Variants in TYR observed in about 807,000 individuals in gnomAD.
TYR encodes LB24-AB.
Under a neutral mutation model 51.5 loss-of-function variants are expected in TYR, and 58 were observed. The ratio of observed to expected loss-of-function variants is 1.13; its 90% CI spans 0.91 to 1.40. The LOEUF (loss-of-function observed/expected upper bound fraction) is 1.40. Among genes scored for constraint, TYR ranks in the 40% most tolerant of loss-of-function variants. The pLI is 0.00. For synonymous variants in TYR, 263 were observed against 235.2 expected (o/e 1.12, Z -1.08); for missense variants, 732 against 647.4 (o/e 1.13, Z -1.42).
rs777629489 is a variant in TYR at position 89,295,259 on chromosome 11, C to T, written c.1483C>T (p.Leu495Phe). ...GAVLTALLAG[L>F]VSLLCRHKRK... ...CGTCCTCACTGCCCTGCTGGCAGGG[C>T]TTGTGAGCTTGCTGTGTCGTCACAA... Residue 495 changes from leucine to phenylalanine, a missense_variant, in exon 5 of 5, where the codon CTT (leucine) becomes TTT (phenylalanine). Leu to Phe is a conservative substitution (Grantham distance 22). Transcript: ENST00000263321. 6.2e-7 allele frequency: 1 copy of T among 1,613,912 alleles called. No individual in the cohort carries two copies. Among genetic ancestry groups the T allele is most frequent in the Non-Finnish European group, 8.5e-7 (1 of 1,179,852 alleles).
chr11:89,264,740 A>C (rs537111190), intron 3 of TYR, among the ~76,000 whole-genome samples: 26 of 151,584 alleles, frequency 1.7e-4, no homozygotes, highest in African/African-American at 3.4e-4. Context: ...GCAGCCAAAA[A>C]AAAAAAACAA....
At chr11:89,282,778 C>A (rs1944734306) in intron 3 of TYR, among the ~76,000 whole-genome samples, 1 of 151,748 alleles carries the variant, frequency 6.6e-6, no homozygotes, top group Non-Finnish European at 1.5e-5. Flanking sequence ...TACTAACCAT[C>A]ACTAAAGGCA....
At chr11:89,260,869 C>T (rs1393248853) in intron 3 of TYR, among the ~76,000 whole-genome samples, 3 of 152,068 alleles carry the variant, frequency 2.0e-5, no homozygotes, top group Non-Finnish European at 4.4e-5. Flanking sequence ...CTGTTAAGAA[C>T]CAGGCCACAC....
intron 1 of TYR, among the ~76,000 whole-genome samples, chr11:89,179,006 A>G (rs567738484): frequency 2.0e-5 from 3 of 152,326 alleles, no homozygotes; most frequent in African/African-American, 7.2e-5. Context: ...TGCAATGAAC[A>G]GAGTACTTGA....
At chr11:89,199,668 A>G (rs1943571208) in intron 2 of TYR, among the ~76,000 whole-genome samples, 1 of 152,194 alleles carries the variant, frequency 6.6e-6, no homozygotes, top group Non-Finnish European at 1.5e-5. Context: ...ATGTACATCT[A>G]GCTCCTATTA....
chr11:89,201,928 G>T (rs12417166), intron 2 of TYR, among the ~76,000 whole-genome samples: 27,815 of 152,008 alleles, frequency 0.18, 3,462 homozygotes, highest in African/African-American at 0.35. Flanking sequence ...GTCAAAGAAT[G>T]TTGATATCTA....
chr11:89,279,371 C>T (rs1195761455), intron 3 of TYR, among the ~76,000 whole-genome samples: 2 of 151,700 alleles, frequency 1.3e-5, no homozygotes, highest in East Asian at 3.9e-4. Context: ...TTGCTAAGGC[C>T]CTGCCCTATA....
At chr11:89,195,417 G>A (rs998301338) in intron 2 of TYR, among the ~76,000 whole-genome samples, 2 of 152,092 alleles carry the variant, frequency 1.3e-5, no homozygotes, top group Non-Finnish European at 1.5e-5. Flanking sequence ...GGTGGCTCAC[G>A]CCTGTAAACC....
intron 2 of TYR, among the ~76,000 whole-genome samples, chr11:89,216,789 T>C (rs1591161520): frequency 6.6e-6 from 1 of 152,226 alleles, no homozygotes; most frequent in South Asian, 2.1e-4. Flanking sequence ...AACTCACAGC[T>C]TCCATCTCTT....
At chr11:89,223,303 G>A (rs186314027) in intron 2 of TYR, among the ~76,000 whole-genome samples, 295 of 152,130 alleles carry the variant, frequency 1.9e-3, no homozygotes, top group African/African-American at 6.7e-3. Context: ...ACTATTTTGG[G>A]GTACTTAGAA....
rs184517872 is a variant in TYR, at chr11:89,178,877, T to A, written c.819+105T>A. On this transcript the variant is annotated intron_variant, in intron 1 of 4. Transcript: ENST00000263321. Reference sequence around the variant, plus strand: ...ACCTGAACACTCATTGCAGCCCCCATCAAGGACAGAAATGGTGCCCTGTTA... The same window carrying A: ...ACCTGAACACTCATTGCAGCCCCCAACAAGGACAGAAATGGTGCCCTGTTA... 12 of 1,163,430 alleles carry A rather than the reference T, an allele frequency of 1.0e-5. No homozygotes were observed. In the African/African-American group the frequency reaches 1.4e-4, roughly 13 times the overall value. The allele number at this position is 1,163,430 out of a possible 1,614,324, so 72.1% of individuals were successfully genotyped here.
chr11:89,215,702 T>C (rs1192797938), intron 2 of TYR, among the ~76,000 whole-genome samples: 1 of 152,146 alleles, frequency 6.6e-6, no homozygotes, highest in East Asian at 1.9e-4. Flanking sequence ...AGTGGTGAAG[T>C]CTGGGCTTTG....
chr11:89,216,197 C>T (rs1310642309), intron 2 of TYR, among the ~76,000 whole-genome samples: 1 of 151,964 alleles, frequency 6.6e-6, no homozygotes, highest in Non-Finnish European at 1.5e-5. Flanking sequence ...GAAGAAAATG[C>T]AGTAAGAAAA....
At chr11:89,260,868 A>AC (rs1944448682) in intron 3 of TYR, among the ~76,000 whole-genome samples, 1 of 152,126 alleles carries the variant, frequency 6.6e-6, no homozygotes, top group Non-Finnish European at 1.5e-5. Context: ...CCTGTTAAGA[A>AC]CCAGGCCACA....
intron 4 of TYR, among the ~76,000 whole-genome samples, chr11:89,294,756 G>T (rs887801247): frequency 6.6e-6 from 1 of 152,200 alleles, no homozygotes; most frequent in African/African-American, 2.4e-5. Context: ...ATAATTAAAA[G>T]ACTGGATTAG....
intron 4 of TYR, among the ~76,000 whole-genome samples, chr11:89,288,350 C>T (rs1241080401): frequency 6.6e-6 from 1 of 151,954 alleles, no homozygotes; most frequent in African/African-American, 2.4e-5. Context: ...AAAACTTCAT[C>T]ACTCCATCAC....
At chr11:89,182,498 A>G (rs920018204) in intron 1 of TYR, among the ~76,000 whole-genome samples, 1 of 152,176 alleles carries the variant, frequency 6.6e-6, no homozygotes, top group African/African-American at 2.4e-5. Context: ...AAGAAAGACA[A>G]TACAAGAGAG....
chr11:89,223,347 C>A (rs1030468704), intron 2 of TYR, among the ~76,000 whole-genome samples: 2 of 151,926 alleles, frequency 1.3e-5, no homozygotes, highest in African/African-American at 2.4e-5. Flanking sequence ...AAAACAGAGT[C>A]AAATCTCAGC....
In TYR at chr11:89,178,580, T is replaced by C. The variant is rs770317561; in HGVS notation, c.627T>C (p.Pro209=). Reference sequence around the variant, plus strand: ...CCCATGAAGCACCAGCTTTTCTGCCTTGGCATAGACTCTTCTTGTTGCGGT... The same window carrying C: ...CCCATGAAGCACCAGCTTTTCTGCCCTGGCATAGACTCTTCTTGTTGCGGT... ...DFAHEAPAFL[P]WHRLFLLRWE... is the part of the protein sequence containing the mutation. Residue 209 remains proline, a synonymous_variant, in exon 1 of 5, where the codon CCT becomes CCC. Coordinates refer to ENST00000263321, the MANE Select transcript of TYR (RefSeq NM_000372.5). 6.8e-6 allele frequency: 11 copies of C among 1,614,148 alleles called. No individual in the cohort carries two copies. The Admixed American group carries it at 8.3e-5, about 12-fold the overall frequency.
Sources: gnomAD v4.1 joint callset for allele counts (sites outside exome capture counted in the v4.1 genomes callset) on GRCh38, gnomAD v4.1.1 for gene constraint, MANE v1.5 for transcripts, NCBI Gene and HGNC (gene_info 2026-07-23, HGNC 2026-07-21) for gene names.